Variants in NEXN observed in about 807,000 individuals in gnomAD.
NEXN encodes the protein nexilin F-actin binding protein.
NEXN carries 65 observed loss-of-function variants against 92.6 expected under a neutral mutation model. The ratio of observed to expected loss-of-function variants is 0.70; its 90% CI spans 0.57 to 0.86. The LOEUF is 0.86. Ranked by LOEUF, NEXN falls within the 40% of genes least tolerant of loss-of-function variation. NEXN has a pLI of 0.00. For synonymous variants in NEXN, 254 were observed against 242.5 expected, an observed-to-expected ratio of 1.05 and a Z score of -0.44; for missense variants, 778 against 771.1, an observed-to-expected ratio of 1.01 and a Z score of -0.11.
chr1:77,916,073 C>T lies in NEXN; in HGVS notation c.-34C>T, dbSNP rs758434911. The T allele has an allele frequency of 3.2e-6, 5 of 1,543,388 alleles. No individual in the cohort carries two copies. Among genetic ancestry groups the T allele is most frequent in the African/African-American group, 1.4e-5 (1 of 73,568 alleles). ...TTTTCAGGTGCAAATATATACAGAG[C>T]TTCATAATCAGCCCAAGACCACATA... is the stretch of plus-strand genomic sequence containing the variant. On this transcript the variant is annotated 5_prime_UTR_variant, in exon 2 of 13. Transcript: ENST00000334785.
At chr1:77,895,976 G>A (rs915021677) in intron 1 of NEXN, among the ~76,000 whole-genome samples, 3 of 151,808 alleles carry the variant, frequency 2.0e-5, no homozygotes, top group Non-Finnish European at 4.4e-5. Context: ...AGGAGTTGGA[G>A]ACCAGCTTGG....
intron 1 of NEXN, among the ~76,000 whole-genome samples, chr1:77,907,431 A>T (rs1648201196): frequency 6.6e-6 from 1 of 152,238 alleles, no homozygotes; most frequent in Non-Finnish European, 1.5e-5. Flanking sequence ...TGTAATTTGC[A>T]CCTTAAGTGC....
chr1:77,942,624 A>C lies in NEXN; in HGVS notation c.1823A>C (p.Glu608Ala). 6.2e-7 allele frequency: 1 copy of C among 1,613,762 alleles called. No homozygotes were observed. Among genetic ancestry groups the C allele is most frequent in the South Asian group, 1.1e-5 (1 of 91,066 alleles). ...PVRFTVKVTG[E>A]PKPEITWWFE... ...AGATTTACGGTTAAAGTAACAGGAG[A>C]ACCCAAACCAGAAATTACATGGTGG... is the stretch of plus-strand genomic sequence containing the variant. Residue 608 changes from glutamate to alanine, a missense_variant, in exon 13 of 13, where the codon GAA becomes GCA. Physicochemically the swap from Glu to Ala is moderately radical, Grantham distance 107. Transcript: ENST00000334785.
At chr1:77,892,840 A>G (rs1480809483) in intron 1 of NEXN, among the ~76,000 whole-genome samples, 2 of 152,038 alleles carry the variant, frequency 1.3e-5, no homozygotes, top group African/African-American at 4.8e-5. Context: ...TCTGCTAAGG[A>G]AGTATTTCCT....
chr1:77,895,384 C>T (rs557412953), intron 1 of NEXN, among the ~76,000 whole-genome samples: 20 of 152,154 alleles, frequency 1.3e-4, no homozygotes, highest in African/African-American at 4.6e-4. Flanking sequence ...TTGCAACCTT[C>T]ATTAATTAAA....
At chr1:77,941,046 G>A (rs1011219060) in intron 11 of NEXN, among the ~76,000 whole-genome samples, 3 of 152,180 alleles carry the variant, frequency 2.0e-5, no homozygotes, top group Non-Finnish European at 4.4e-5. Flanking sequence ...GGTACGAGGT[G>A]TGAGGTGCAA....
rs1650709004 is a variant in NEXN, at chr1:77,935,826, G to A, written c.1255G>A (p.Glu419Lys). ...EQLRQEMGEE[E>K]EENETFGLSR... ...AACTTATTAATTTTTTTTGAAGGAA[G>A]AGGAAGAAAATGAAACCTTTGGATT... is the stretch of plus-strand genomic sequence containing the variant. Residue 419 changes from glutamate (E) to lysine (K), a missense_variant, in exon 11 of 13, where the codon GAG becomes AAG. Around this residue, in one of 3 missense-constraint regions of NEXN, gnomAD observed 532 missense variants for 476.7 expected, o/e 1.12. Transcript: ENST00000334785. 1.2e-6 allele frequency: 2 copies of A among 1,610,914 alleles called. No individual in the cohort carries two copies. Among genetic ancestry groups the A allele is most frequent in the South Asian group, 2.2e-5 (2 of 90,854 alleles).
chr1:77,939,005 T>C (rs1375674515), intron 11 of NEXN, among the ~76,000 whole-genome samples: 1 of 152,164 alleles, frequency 6.6e-6, no homozygotes, highest in Admixed American at 6.5e-5. Context: ...GTCAGAGTAA[T>C]AAAATATTTA....
chr1:77,900,795 C>A (rs1446066333), intron 1 of NEXN, among the ~76,000 whole-genome samples: 1 of 152,116 alleles, frequency 6.6e-6, no homozygotes, highest in Non-Finnish European at 1.5e-5. Flanking sequence ...TCTTTCTAAT[C>A]GTATTCTTGA....
In NEXN at chr1:77,943,237, CA is replaced by C. The variant is rs368295679; in HGVS notation, c.*418del. 1.6e-3 allele frequency: 306 copies of C among 195,146 alleles called. No individual in the cohort carries two copies. Among genetic ancestry groups the C allele is most frequent in the Middle Eastern group, 4.7e-3 (2 of 428 alleles). The allele number at this position is 195,146 out of a possible 1,614,324, so 12.1% of individuals were successfully genotyped here. On this transcript the variant is annotated 3_prime_UTR_variant, in exon 13 of 13. Coordinates refer to ENST00000334785, the MANE Select transcript of NEXN (RefSeq NM_144573.4). ...AGCAACTATGTTTAAAAAACAAAAACAAAAAAAAAACACACAAACCTAAGTA... is the reference window on the plus strand; with the variant it reads ...AGCAACTATGTTTAAAAAACAAAAACAAAAAAAAACACACAAACCTAAGTA...
intron 1 of NEXN, among the ~76,000 whole-genome samples, chr1:77,910,587 C>T (rs997950773): frequency 6.6e-6 from 1 of 151,762 alleles, no homozygotes; most frequent in African/African-American, 2.4e-5. Flanking sequence ...CCTGTCTCTA[C>T]TAAAAATACA....
Position 77,926,553 on chromosome 1 carries a change from TA to T in NEXN, c.631del (p.Arg211AspfsTer17), listed in dbSNP as rs1351535210. On this transcript the variant is annotated frameshift_variant, in exon 7 of 13. Coordinates refer to ENST00000334785, the MANE Select transcript of NEXN (RefSeq NM_144573.4). LOFTEE classifies it high-confidence loss of function. ...ATCAAGTACGAGGAAGATAAAAGAA[TA>T]AGATATGAAGAACAACGACCATCTC... is the stretch of plus-strand genomic sequence containing the variant. ...ERIKYEEDKR[I>X]RYEEQRPSLK... The T allele has an allele frequency of 6.2e-7, 1 of 1,613,728 alleles. No individual in the cohort carries two copies. Among genetic ancestry groups the T allele is most frequent in the Non-Finnish European group, 8.5e-7 (1 of 1,179,890 alleles).
intron 1 of NEXN, among the ~76,000 whole-genome samples, chr1:77,899,140 C>T (rs1216725972): frequency 2.6e-5 from 4 of 152,142 alleles, no homozygotes; most frequent in East Asian, 1.9e-4. Flanking sequence ...CCATTTGACC[C>T]AGCCATCCCA....
intron 11 of NEXN, among the ~76,000 whole-genome samples, chr1:77,937,732 T>C (rs1162903536): frequency 6.6e-6 from 1 of 152,158 alleles, no homozygotes; most frequent in African/African-American, 2.4e-5. Context: ...TTTGAATGAC[T>C]ACTATGTTCC....
At chr1:77,897,664 A>G (rs1271517155) in intron 1 of NEXN, among the ~76,000 whole-genome samples, 5 of 152,316 alleles carry the variant, frequency 3.3e-5, no homozygotes, top group African/African-American at 9.6e-5. Context: ...GGCCAGGGCA[A>G]TTAGGCAGGA....
At chr1:77,942,368 C>A (rs1364234410) in intron 12 of NEXN, 93 bp from the exon 13 acceptor site, 1 of 1,458,932 alleles carries the variant, frequency 6.9e-7, no homozygotes, top group African/African-American at 1.4e-5. Context: ...ATGTTCTTTA[C>A]TTAAAAAAAA....
intron 12 of NEXN, 81 bp downstream of exon 12, chr1:77,942,289 T>A (rs984747627): frequency 2.7e-6 from 4 of 1,489,920 alleles, no homozygotes; most frequent in African/African-American, 2.8e-5. Flanking sequence ...GTTAAAAAAA[T>A]GTTTTAATGG....
At chr1:77,939,350 C>G (rs973734396) in intron 11 of NEXN, among the ~76,000 whole-genome samples, 1 of 152,108 alleles carries the variant, frequency 6.6e-6, no homozygotes, top group Non-Finnish European at 1.5e-5. Context: ...AAGCAGATAC[C>G]AACTTTTACA....
intron 1 of NEXN, among the ~76,000 whole-genome samples, chr1:77,892,736 G>C: frequency 6.6e-6 from 1 of 152,152 alleles, no homozygotes; most frequent in East Asian, 1.9e-4. Context: ...CTAATTGTTA[G>C]TGTCGATTAG....
Sources: allele counts gnomAD v4.1 joint callset (sites outside exome capture counted in the v4.1 genomes callset), GRCh38; gene constraint gnomAD v4.1.1; regional missense constraint gnomAD v4.1.1; transcripts MANE v1.5; gene names NCBI Gene and HGNC (gene_info 2026-07-23, HGNC 2026-07-21).